Variants in LRMDA observed in about 807,000 individuals in gnomAD.
LRMDA encodes leucine rich melanocyte differentiation associated.
In LRMDA, 18 loss-of-function variants were observed where a neutral mutation model predicts 29.8. The ratio of observed to expected loss-of-function variants is 0.60; its 90% confidence interval spans 0.42 to 0.90. The LOEUF (loss-of-function observed/expected upper bound fraction) is 0.90. LRMDA is among the 40% of genes least tolerant of loss of function. LRMDA has a pLI of 0.00. For missense variants in LRMDA, 273 were observed against 273.9 expected, an observed-to-expected ratio of 1.00 and a Z score of 0.02; for synonymous variants, 125 against 109.4, an observed-to-expected ratio of 1.14 and a Z score of -0.89.
chr10:76,346,067 C>A (rs1841105249), intron 6 of LRMDA, among the ~76,000 whole-genome samples: 1 of 152,142 alleles, frequency 6.6e-6, no homozygotes, highest in Non-Finnish European at 1.5e-5. Flanking sequence ...CAGTGCTATA[C>A]ACCTTTTTGT....
chr10:75,702,007 C>T (rs146801372), intron 2 of LRMDA, among the ~76,000 whole-genome samples: 175 of 152,258 alleles, frequency 1.1e-3, no homozygotes, highest in African/African-American at 4.0e-3. Context: ...AGGCTCTTAC[C>T]GCTGGGCCCT....
At chr10:76,456,817 A>G (rs1240373129) in intron 6 of LRMDA, among the ~76,000 whole-genome samples, 1 of 152,126 alleles carries the variant, frequency 6.6e-6, no homozygotes, top group Non-Finnish European at 1.5e-5. Flanking sequence ...GAAGACTTTC[A>G]TTCTTACCAT....
chr10:75,799,520 T>C (rs995600120), intron 2 of LRMDA, among the ~76,000 whole-genome samples: 9 of 152,122 alleles, frequency 5.9e-5, no homozygotes, highest in African/African-American at 1.2e-4. Flanking sequence ...CTTTTTCTTT[T>C]TTTTTTTCTT....
chr10:75,689,562 G>A (rs778096068), intron 2 of LRMDA, among the ~76,000 whole-genome samples: 1 of 152,108 alleles, frequency 6.6e-6, no homozygotes, highest in Non-Finnish European at 1.5e-5. Context: ...ATCTCCTTTG[G>A]CTGGAATTCT....
At chr10:75,674,516 C>T (rs907020494) in intron 2 of LRMDA, among the ~76,000 whole-genome samples, 5 of 151,946 alleles carry the variant, frequency 3.3e-5, no homozygotes, top group African/African-American at 1.2e-4. Context: ...AATATTATCG[C>T]TCTCTAACTA....
intron 2 of LRMDA, among the ~76,000 whole-genome samples, chr10:75,466,944 G>GTT (rs145115863): frequency 6.8e-6 from 1 of 147,932 alleles, no homozygotes; most frequent in Non-Finnish European, 1.5e-5. Context: ...TGATTTAGCA[G>GTT]TTTTTTTTTT....
intron 2 of LRMDA, among the ~76,000 whole-genome samples, chr10:75,721,664 C>A (rs1262315337): frequency 6.6e-6 from 1 of 152,286 alleles, no homozygotes; most frequent in Non-Finnish European, 1.5e-5. Flanking sequence ...TTCCATTATG[C>A]ACAAAGGTCC....
At chr10:75,871,291 G>C (rs538661757) in intron 2 of LRMDA, among the ~76,000 whole-genome samples, 1 of 152,170 alleles carries the variant, frequency 6.6e-6, no homozygotes, top group Admixed American at 6.5e-5. Context: ...GTTACTGCAA[G>C]AGTCTGTCTT....
intron 5 of LRMDA, among the ~76,000 whole-genome samples, chr10:76,066,297 C>T (rs2132063316): frequency 2.0e-5 from 3 of 152,304 alleles, no homozygotes; most frequent in Admixed American, 2.0e-4. Context: ...AGAAACTTCC[C>T]TGATATGTGA....
Position 75,669,965 on chromosome 10 carries a change from A to C in LRMDA, c.131+231471A>C, listed in dbSNP as rs192161530. ...TACACTTAAGGCCCTTTTTTATAGC[A>C]ACATAAAATAGAGCCAAAATTACAT... On this transcript the variant is annotated intron_variant, in intron 2 of 6. Coordinates refer to ENST00000611255, the MANE Select transcript of LRMDA (RefSeq NM_001305581.2). Among the ~76,000 whole-genome samples the C allele has an allele frequency of 2.3e-3, 355 of 152,314 alleles. 2 individuals carry two copies. Among genetic ancestry groups the C allele is most frequent in the African/African-American group, 8.0e-3 (333 of 41,564 alleles).
intron 2 of LRMDA, among the ~76,000 whole-genome samples, chr10:75,524,542 C>T (rs1284700632): frequency 1.3e-5 from 2 of 152,110 alleles, no homozygotes; most frequent in African/African-American, 2.4e-5. Flanking sequence ...ATTAGGCTCT[C>T]CTTTCTCCTT....
At chr10:75,636,378 T>G (rs1263990394) in intron 2 of LRMDA, among the ~76,000 whole-genome samples, 31 of 152,194 alleles carry the variant, frequency 2.0e-4, no homozygotes, top group Non-Finnish European at 2.9e-5. Flanking sequence ...ACCTAGCCAC[T>G]TTAAGTCTCA....
intron 2 of LRMDA, among the ~76,000 whole-genome samples, chr10:75,808,735 C>T (rs1320311462): frequency 6.6e-6 from 1 of 152,150 alleles, no homozygotes; most frequent in African/African-American, 2.4e-5. Context: ...GTCTTGATCT[C>T]CTGACCTCAT....
chr10:76,346,267 T>G (rs1315119943), intron 6 of LRMDA, among the ~76,000 whole-genome samples: 1 of 152,226 alleles, frequency 6.6e-6, no homozygotes, highest in Non-Finnish European at 1.5e-5. Context: ...GGAGTTTTTA[T>G]TAAAATATGC....
At chr10:76,240,910 C>A (rs1852266156) in intron 5 of LRMDA, among the ~76,000 whole-genome samples, 1 of 149,096 alleles carries the variant, frequency 6.7e-6, no homozygotes, top group African/African-American at 2.5e-5. Context: ...ACACACACAC[C>A]CCATGGAATA....
chr10:76,261,194 A>C (rs1839938423), intron 5 of LRMDA, among the ~76,000 whole-genome samples: 1 of 150,800 alleles, frequency 6.6e-6, no homozygotes, highest in South Asian at 2.1e-4. Context: ...CCTCCCAAGT[A>C]GCTGGGACTA....
At chr10:76,115,564 A>G (rs1273946783) in intron 5 of LRMDA, among the ~76,000 whole-genome samples, 1 of 152,236 alleles carries the variant, frequency 6.6e-6, no homozygotes, top group African/African-American at 2.4e-5. Context: ...GCAGGGAGAC[A>G]GGGAGCTAAA....
chr10:75,716,576 G>A (rs1377564679), intron 2 of LRMDA, among the ~76,000 whole-genome samples: 2 of 152,192 alleles, frequency 1.3e-5, no homozygotes, highest in Non-Finnish European at 2.9e-5. Context: ...CTACAACTCT[G>A]ACATTGATTA....
At position 75,444,684 on chromosome 10, in the gene LRMDA, AT is replaced by A. The variant is rs536511279; in HGVS notation, c.131+6196del. Reference sequence around the variant, plus strand: ...GTGTGAAATTGTATTTAAGATCTTTATTTTTTAAGATAATTTTTATAAGAGT... The same window carrying A: ...GTGTGAAATTGTATTTAAGATCTTTATTTTTAAGATAATTTTTATAAGAGT... On this transcript the variant is annotated intron_variant, in intron 2 of 6. Transcript: ENST00000611255. Among the ~76,000 whole-genome samples, 8 of 152,276 alleles carry A rather than the reference AT, an allele frequency of 5.3e-5. No individual in the cohort carries two copies. The South Asian group carries it at 1.2e-3, about 24-fold the overall frequency.
Sources: allele counts gnomAD v4.1 joint callset (sites outside exome capture counted in the v4.1 genomes callset), GRCh38; gene constraint gnomAD v4.1.1; transcripts MANE v1.5; gene names NCBI Gene and HGNC (gene_info 2026-07-23, HGNC 2026-07-21).